The following PKIB variants were observed in gnomAD, a reference collection of about 807,000 sequenced individuals.
PKIB encodes cAMP-dependent protein kinase inhibitor beta.
PKIB carries 2 observed loss-of-function variants against 4.5 expected under a neutral mutation model. That is an observed-to-expected ratio of 0.44 (90% confidence interval 0.18 to 1.39). The LOEUF is 1.39. Ranked by LOEUF, PKIB falls within the 40% of genes most tolerant of loss-of-function variation. The pLI is 0.27. For synonymous variants in PKIB, 38 were observed against 36.0 expected (o/e 1.06, Z -0.20); for missense variants, 94 against 92.6 (o/e 1.02, Z -0.06).
intron 2 of PKIB, among the ~76,000 whole-genome samples, chr6:122,534,787 G>C (rs1582682083): frequency 6.6e-6 from 1 of 152,078 alleles, no homozygotes; most frequent in South Asian, 2.1e-4. Flanking sequence ...GCTGTGCCAG[G>C]CCCCTCATTT....
intron 2 of PKIB, among the ~76,000 whole-genome samples, chr6:122,674,216 G>T (rs1182590379): frequency 1.3e-5 from 2 of 152,148 alleles, no homozygotes; most frequent in African/African-American, 2.4e-5. Flanking sequence ...ACTAATAAGG[G>T]TTAATTGTAG....
rs137937994 is a variant in PKIB, at chr6:122,494,569, G to A, written c.-248+16630G>A. ...AAGTTTTACTAATTTTGTGGTTCCA[G>A]AACAGGTGGTGAAAAATAATGGGAA... On this transcript the variant is annotated intron_variant, in intron 2 of 6. Transcript: ENST00000392491. Among the ~76,000 whole-genome samples, 187 of 152,290 alleles carry A rather than the reference G, an allele frequency of 1.2e-3. 3 individuals are homozygous for A. The Middle Eastern group carries it at 0.02, about 17-fold the overall frequency.
chr6:122,582,182 A>G (rs1217027145), intron 2 of PKIB, among the ~76,000 whole-genome samples: 2 of 152,030 alleles, frequency 1.3e-5, no homozygotes, highest in Non-Finnish European at 2.9e-5. Context: ...GAAAAAAGTT[A>G]AAGTCCTAAA....
At chr6:122,672,520 A>G (rs375688320) in intron 2 of PKIB, among the ~76,000 whole-genome samples, 32 of 152,224 alleles carry the variant, frequency 2.1e-4, no homozygotes, top group East Asian at 9.7e-4. Context: ...GGCTGTTGAT[A>G]TGTCTTAGCT....
chr6:122,526,475 G>A (rs1365330007), intron 2 of PKIB, among the ~76,000 whole-genome samples: 2 of 152,106 alleles, frequency 1.3e-5, no homozygotes, highest in Non-Finnish European at 2.9e-5. Flanking sequence ...ATGAGTTGCA[G>A]AATGGATGTT....
At chr6:122,582,480 C>A (rs1323654733) in intron 2 of PKIB, among the ~76,000 whole-genome samples, 1 of 151,994 alleles carries the variant, frequency 6.6e-6, no homozygotes, top group Non-Finnish European at 1.5e-5. Flanking sequence ...ATTTCTGAAT[C>A]CAAAGTCTGA....
intron 3 of PKIB, among the ~76,000 whole-genome samples, chr6:122,683,755 G>A (rs1213932686): frequency 1.3e-5 from 2 of 152,112 alleles, no homozygotes; most frequent in Non-Finnish European, 2.9e-5. Flanking sequence ...TTCTAAGCAA[G>A]ACTCAAGGGC....
At chr6:122,671,612 T>G (rs1176718232) in intron 2 of PKIB, among the ~76,000 whole-genome samples, 1 of 152,226 alleles carries the variant, frequency 6.6e-6, no homozygotes, top group Non-Finnish European at 1.5e-5. Context: ...AATTCATTTT[T>G]CAGAGAAGTC....
chr6:122,559,945 A>T (rs1772965660), intron 2 of PKIB, among the ~76,000 whole-genome samples: 1 of 152,122 alleles, frequency 6.6e-6, no homozygotes, highest in Non-Finnish European at 1.5e-5. Context: ...TTTCTGGAGG[A>T]ATCCTTAGGG....
intron 1 of PKIB, among the ~76,000 whole-genome samples, chr6:122,621,261 C>T (rs7776200): frequency 6.6e-6 from 1 of 152,068 alleles, no homozygotes; most frequent in African/African-American, 2.4e-5. Flanking sequence ...ATGCCCAATC[C>T]TTATTTATTT....
intron 2 of PKIB, among the ~76,000 whole-genome samples, chr6:122,582,721 A>G (rs1773739120): frequency 6.6e-6 from 1 of 152,046 alleles, no homozygotes; most frequent in Non-Finnish European, 1.5e-5. Flanking sequence ...AAAGGAACTC[A>G]TGGCCAGGTT....
chr6:122,678,912 C>T (rs939966789), intron 3 of PKIB, among the ~76,000 whole-genome samples: 3 of 152,120 alleles, frequency 2.0e-5, no homozygotes, highest in African/African-American at 7.2e-5. Context: ...AGAGCAAATG[C>T]AATGCAGATA....
At chr6:122,718,382 AT>A (rs1286054992) in intron 4 of PKIB, among the ~76,000 whole-genome samples, 1 of 152,142 alleles carries the variant, frequency 6.6e-6, no homozygotes, top group Admixed American at 6.5e-5. Flanking sequence ...AAGCCCTTTA[AT>A]TTTCAAATCT....
intron 2 of PKIB, among the ~76,000 whole-genome samples, chr6:122,570,160 A>G (rs1264905675): frequency 6.6e-6 from 1 of 152,226 alleles, no homozygotes; most frequent in Non-Finnish European, 1.5e-5. Context: ...ACATTCTTAC[A>G]GATGAAAAGA....
chr6:122,643,642 T>C (rs1776200484), intron 2 of PKIB: 1 of 152,232 alleles, frequency 6.6e-6, no homozygotes, highest in Admixed American at 6.5e-5. Flanking sequence ...GAACACCTAA[T>C]ATTTTTGATT....
intron 2 of PKIB, among the ~76,000 whole-genome samples, chr6:122,638,602 A>G (rs1034364442): frequency 1.3e-5 from 2 of 152,196 alleles, no homozygotes; most frequent in Non-Finnish European, 2.9e-5. Context: ...AATTGCCCCA[A>G]GTTCTGCCTT....
chr6:122,706,065 A>T (rs1779043730), intron 3 of PKIB, among the ~76,000 whole-genome samples: 1 of 152,078 alleles, frequency 6.6e-6, no homozygotes, highest in South Asian at 2.1e-4. Flanking sequence ...TCTTATTTAG[A>T]ACTTGCTTTT....
intron 3 of PKIB, among the ~76,000 whole-genome samples, chr6:122,691,334 A>G (rs1388834114): frequency 6.6e-6 from 1 of 151,792 alleles, no homozygotes; most frequent in African/African-American, 2.4e-5. Flanking sequence ...TGCCTTTTTG[A>G]GGGTATTTTC....
chr6:122,653,289 C>T (rs1776637080), intron 2 of PKIB, among the ~76,000 whole-genome samples: 1 of 152,160 alleles, frequency 6.6e-6, no homozygotes, highest in African/African-American at 2.4e-5. Context: ...TAGTCATCAT[C>T]AAGCAAGGTG....
Sources: gnomAD v4.1 joint callset for allele counts (sites outside exome capture counted in the v4.1 genomes callset) on GRCh38, gnomAD v4.1.1 for gene constraint, MANE v1.5 for transcripts, NCBI Gene and HGNC (gene_info 2026-07-23, HGNC 2026-07-21) for gene names.